MMD: variants seen among roughly 807,000 people sequenced by gnomAD.
The protein encoded by MMD is monocyte to macrophage differentiation factor.
In MMD, 22 loss-of-function variants were observed where a neutral mutation model predicts 33.6. The observed-to-expected ratio is 0.66, with a 90% CI of 0.47 to 0.94. The LOEUF is 0.94. Ranked by LOEUF, MMD falls within the 40% of genes least tolerant of loss-of-function variation. The pLI, the probability that MMD is intolerant of heterozygous loss-of-function variation, is 0.00. For missense variants in MMD, 242 were observed against 309.8 expected, an observed-to-expected ratio of 0.78 and a Z score of 1.64; for synonymous variants, 97 against 103.2, an observed-to-expected ratio of 0.94 and a Z score of 0.36.
intron 1 of MMD, among the ~76,000 whole-genome samples, chr17:55,418,841 A>G (rs1012118241): frequency 6.6e-6 from 1 of 152,234 alleles, no homozygotes; most frequent in Non-Finnish European, 1.5e-5. Flanking sequence ...AGCTAGCTGC[A>G]TGATCATGAG....
At chr17:55,417,456 C>G (rs557479064) in intron 1 of MMD, among the ~76,000 whole-genome samples, 2 of 152,044 alleles carry the variant, frequency 1.3e-5, no homozygotes, top group South Asian at 4.1e-4. Context: ...TGACCCAGTA[C>G]AGACTCTCTT....
At chr17:55,402,159 A>G (rs2143128902) in intron 5 of MMD, among the ~76,000 whole-genome samples, 1 of 151,662 alleles carries the variant, frequency 6.6e-6, no homozygotes, top group East Asian at 1.9e-4. Flanking sequence ...CGTTTAACCC[A>G]CTCCACCTTG....
In MMD at chr17:55,415,920, CCT is replaced by C. The variant is rs144312104; in HGVS notation, c.27-1690_27-1689del. Among the ~76,000 whole-genome samples, 405 of 152,176 alleles carry C rather than the reference CCT, an allele frequency of 2.7e-3. 1 individual carries two copies. Among genetic ancestry groups the C allele is most frequent in the African/African-American group, 9.2e-3 (384 of 41,526 alleles). ...TATTATTAAGCATCATCTTTTCTCC[CCT>C]GATAATATTTTAAATAATTTTACTA... On this transcript the variant is annotated intron_variant, in intron 1 of 6. Coordinates refer to ENST00000262065, the MANE Select transcript of MMD (RefSeq NM_012329.3).
At chr17:55,405,246 T>C (rs1457371542) in intron 4 of MMD, among the ~76,000 whole-genome samples, 4 of 151,918 alleles carry the variant, frequency 2.6e-5, no homozygotes, top group African/African-American at 9.7e-5. Context: ...GGCACGTGCC[T>C]GTAATCCCAG....
Position 55,414,932 on chromosome 17 carries a change from A to G in MMD, c.27-700T>C, listed in dbSNP as rs539027214. ...ACTACTACCTGATTCTTTTGGCTAT[A>G]AAATTCATATATACACACAAATGTG... On this transcript the variant is annotated intron_variant, in intron 1 of 6. Coordinates refer to ENST00000262065, the MANE Select transcript of MMD (RefSeq NM_012329.3). Among the ~76,000 whole-genome samples the G allele has an allele frequency of 1.1e-4, 16 of 152,342 alleles. No individual in the cohort carries two copies. In the South Asian group the frequency reaches 3.3e-3, roughly 32 times the overall value.
chr17:55,395,271 G>T (rs1907057074), intron 6 of MMD, among the ~76,000 whole-genome samples: 1 of 152,198 alleles, frequency 6.6e-6, no homozygotes, highest in Non-Finnish European at 1.5e-5. Context: ...AGATTAAAAT[G>T]GCTTGTATGA....
At chr17:55,417,524 C>T (rs1908013960) in intron 1 of MMD, among the ~76,000 whole-genome samples, 1 of 152,058 alleles carries the variant, frequency 6.6e-6, no homozygotes, top group African/African-American at 2.4e-5. Context: ...GGCATGGTGG[C>T]TCACACCTGT....
At chr17:55,404,710 G>A in intron 4 of MMD, 3 of 985,018 alleles carry the variant, frequency 3.0e-6, no homozygotes, top group Non-Finnish European at 3.6e-6. Context: ...ACCATGGACT[G>A]TTGTGAGGTT....
chr17:55,417,894 T>G (rs1020969059), intron 1 of MMD, among the ~76,000 whole-genome samples: 1 of 152,192 alleles, frequency 6.6e-6, no homozygotes, highest in African/African-American at 2.4e-5. Flanking sequence ...ACGATAGCAC[T>G]GTAACACAGT....
intron 4 of MMD, among the ~76,000 whole-genome samples, chr17:55,405,307 T>C (rs1320529146): frequency 6.6e-6 from 1 of 150,796 alleles, no homozygotes; most frequent in Non-Finnish European, 1.5e-5. Context: ...GAGGCAGAGG[T>C]TGCGGTGAGC....
intron 6 of MMD, 102 bp from the exon 7 acceptor site, chr17:55,394,636 T>C: frequency 1.0e-6 from 1 of 998,000 alleles, no homozygotes; most frequent in Non-Finnish European, 1.3e-6. Context: ...TTCTAGACAA[T>C]GAAGAAGCTG....
At chr17:55,396,320 A>G (rs1907097852) in intron 6 of MMD, among the ~76,000 whole-genome samples, 1 of 152,184 alleles carries the variant, frequency 6.6e-6, no homozygotes, top group Non-Finnish European at 1.5e-5. Flanking sequence ...CATTATACAG[A>G]TGAGAAAACT....
chr17:55,411,384 G>C lies in MMD; in HGVS notation c.142C>G (p.Leu48Val). Residue 48 changes from leucine (L) to valine (V), a missense_variant, in exon 3 of 7, where the codon CTC becomes GTC. Physicochemically the swap from Leu to Val is conservative, Grantham distance 32 (BLOSUM62 1). Transcript: ENST00000262065. ...CAGTCATCAGACAGCCGATGGAGGA[G>C]GGCACTGCCCACGATGGCCGGAACA... Reference protein sequence around the residue: ...LIVPAIVGSALLHRLSDDCWE... With the variant: ...LIVPAIVGSAVLHRLSDDCWE... 1 of 1,614,018 alleles carries C rather than the reference G, an allele frequency of 6.2e-7. No individual in the cohort carries two copies. Among genetic ancestry groups the C allele is most frequent in the Non-Finnish European group, 8.5e-7 (1 of 1,179,956 alleles).
At chr17:55,412,513 A>T (rs760547436) in intron 2 of MMD, among the ~76,000 whole-genome samples, 2 of 152,228 alleles carry the variant, frequency 1.3e-5, no homozygotes, top group Non-Finnish European at 2.9e-5. Context: ...TCTTACAATG[A>T]CAGAAGCTCC....
intron 1 of MMD, 76 bp from the exon 2 acceptor site, chr17:55,414,308 A>T: frequency 3.8e-6 from 5 of 1,326,358 alleles, no homozygotes; most frequent in Non-Finnish European, 5.4e-6. Context: ...ACCAGTGGGT[A>T]TGTGGTCTAT....
At position 55,393,653 on chromosome 17, in the gene MMD, G is replaced by A. The variant is rs1022179927; in HGVS notation, c.*681C>T. On this transcript the variant is annotated 3_prime_UTR_variant, in exon 7 of 7. Transcript: ENST00000262065. ...AAGCAGCACTGAATTCAGAGTAAGA[G>A]GTTGGCAGAAAAGTTTGGAAAACTG... The A allele has an allele frequency of 2.6e-5, 4 of 152,630 alleles. No individual in the cohort carries two copies. The highest frequency in any genetic ancestry group is 9.7e-5 in the African/African-American group (4 of 41,444). 9.5% of individuals were successfully genotyped at this position (152,630 alleles called of 1,614,324 possible).
Position 55,393,349 on chromosome 17 carries a change from T to C in MMD, c.*985A>G, listed in dbSNP as rs909872738. ...CCACAATTTAAAATAAATATCAAAC[T>C]GACAATATAAAGCTAAGTGACAATG... is the stretch of plus-strand genomic sequence containing the variant. On this transcript the variant is annotated 3_prime_UTR_variant, in exon 7 of 7. Transcript: ENST00000262065. 6 of 151,822 alleles carry C rather than the reference T, an allele frequency of 4.0e-5. No individual in the cohort carries two copies. Among genetic ancestry groups the C allele is most frequent in the Non-Finnish European group, 8.8e-5 (6 of 67,962 alleles). The allele number at this position is 151,822 out of a possible 1,614,324, so 9.4% of individuals were successfully genotyped here. A position where few individuals can be genotyped will look rare whatever the true frequency, so the allele number is the denominator to read the frequency against.
chr17:55,411,461 T>C, intron 2 of MMD, 44 bp from the exon 3 acceptor site: 1 of 1,555,706 alleles, frequency 6.4e-7, no homozygotes, highest in Non-Finnish European at 8.7e-7. Flanking sequence ...TTCTGGCTTT[T>C]ATGGAATTGA....
intron 6 of MMD, among the ~76,000 whole-genome samples, chr17:55,396,192 A>G (rs1443576199): frequency 6.6e-6 from 1 of 152,180 alleles, no homozygotes; most frequent in Non-Finnish European, 1.5e-5. Flanking sequence ...ATCAAAACAG[A>G]ATTTTTTTTT....
Sources: gnomAD v4.1 joint callset for allele counts (sites outside exome capture counted in the v4.1 genomes callset) on GRCh38, gnomAD v4.1.1 for gene constraint, MANE v1.5 for transcripts, NCBI Gene and HGNC (gene_info 2026-07-23, HGNC 2026-07-21) for gene names.